MKRN2: variants seen among roughly 807,000 people sequenced by gnomAD.
MKRN2 encodes the protein makorin ring finger protein 2, also known as E3 ubiquitin-protein ligase makorin-2.
A neutral mutation model predicts 45.4 loss-of-function variants in MKRN2; 32 were observed. The observed-to-expected ratio is 0.70, with a 90% CI of 0.53 to 0.95. The LOEUF (loss-of-function observed/expected upper bound fraction) is 0.95, where lower values mean the gene tolerates loss of function less well. Ranked by LOEUF, MKRN2 falls within the 40% of genes least tolerant of loss-of-function variation. The pLI, the probability that MKRN2 is intolerant of heterozygous loss-of-function variation, is 0.00. For missense variants in MKRN2, 526 were observed against 536.7 expected (o/e 0.98, Z 0.20); for synonymous variants, 206 against 192.4 (o/e 1.07, Z -0.59).
At chr3:12,558,396 G>C (rs1200660650) in intron 1 of MKRN2, among the ~76,000 whole-genome samples, 1 of 152,168 alleles carries the variant, frequency 6.6e-6, no homozygotes, top group Non-Finnish European at 1.5e-5. Context: ...CCTGCTGGAG[G>C]AAGTATTCCT....
intron 1 of MKRN2, among the ~76,000 whole-genome samples, chr3:12,562,347 C>T (rs946332232): frequency 6.6e-6 from 1 of 152,170 alleles, no homozygotes; most frequent in South Asian, 2.1e-4. Flanking sequence ...AGATGCCAGG[C>T]AAGGGGCAGC....
Position 12,572,252 on chromosome 3 carries a change from C to T in MKRN2, c.521C>T (p.Ala174Val), listed in dbSNP as rs2058104351. The change falls in exon 4 of 8, where the codon GCA (alanine) becomes GTA (valine). Residue 174 changes from alanine (A) to valine (V), a missense_variant. Physicochemically the swap from Ala to Val is moderately conservative, Grantham distance 64 (BLOSUM62 0). Coordinates refer to ENST00000170447, the MANE Select transcript of MKRN2 (RefSeq NM_014160.5). ...AACGAGCAGCAGCTGTGCCCCTACG[C>T]AGCTGCTGGGGAGTGCCGGTTTGGG... is the stretch of plus-strand genomic sequence containing the variant. Reference protein sequence around the residue: ...YSNEQQLCPYAAAGECRFGDA... With the variant: ...YSNEQQLCPYVAAGECRFGDA... The T allele has an allele frequency of 2.5e-6, 4 of 1,614,118 alleles. No individual in the cohort carries two copies. The highest frequency in any genetic ancestry group is 1.3e-5 in the African/African-American group (1 of 75,030).
chr3:12,581,998 G>A (rs1264354374), intron 7 of MKRN2, 46 bp downstream of exon 7: 8 of 1,609,766 alleles, frequency 5.0e-6, no homozygotes, highest in Middle Eastern at 3.3e-4. Flanking sequence ...AGCAGCTGTG[G>A]GCATTTCCAG....
intron 3 of MKRN2, 53 bp from the exon 4 acceptor site, chr3:12,572,016 A>G: frequency 6.6e-7 from 1 of 1,507,434 alleles, no homozygotes; most frequent in Non-Finnish European, 8.9e-7. Context: ...CTAACGGCAT[A>G]CCAGAAAAAT....
At chr3:12,558,786 G>A (rs2058007655) in intron 1 of MKRN2, among the ~76,000 whole-genome samples, 1 of 152,158 alleles carries the variant, frequency 6.6e-6, no homozygotes, top group East Asian at 1.9e-4. Flanking sequence ...AATGAAGATT[G>A]GGTTGGAATG....
At chr3:12,577,844 T>G (rs1198160973) in intron 6 of MKRN2, among the ~76,000 whole-genome samples, 1 of 152,030 alleles carries the variant, frequency 6.6e-6, no homozygotes, top group African/African-American at 2.4e-5. Flanking sequence ...CCTGGCCAAT[T>G]TTTTGTATTT....
intron 1 of MKRN2, among the ~76,000 whole-genome samples, chr3:12,561,397 G>C (rs185524465): frequency 9.8e-5 from 15 of 152,318 alleles, no homozygotes; most frequent in Non-Finnish European, 2.1e-4. Flanking sequence ...CTTCTTGTCT[G>C]CCTTGTTAAC....
At chr3:12,578,857 GATTT>G (rs1389363290) in intron 6 of MKRN2, among the ~76,000 whole-genome samples, 3 of 109,152 alleles carry the variant, frequency 2.7e-5, no homozygotes, top group African/African-American at 6.6e-5. Context: ...ACTAAAGCTT[GATTT>G]TTTTTTTTTT....
At chr3:12,572,979 A>G (rs1199824266) in intron 4 of MKRN2, among the ~76,000 whole-genome samples, 1 of 152,258 alleles carries the variant, frequency 6.6e-6, no homozygotes, top group Non-Finnish European at 1.5e-5. Context: ...GATCTAGCTC[A>G]GGACCATGGT....
At chr3:12,571,871 A>G (rs927418059) in intron 3 of MKRN2, among the ~76,000 whole-genome samples, 198 bp from the exon 4 acceptor site, 1 of 151,318 alleles carries the variant, frequency 6.6e-6, no homozygotes, top group Admixed American at 6.6e-5. Flanking sequence ...TTGTTTTTTT[A>G]AGTAATTATA....
rs761905778 is a variant in MKRN2, at chr3:12,574,976, G to A, written c.827G>A (p.Cys276Tyr). ...TTGTCCTGCATCCGGCAGTGGCGGT[G>A]TGCCAAACAGTTTGAAAACCCAATC... ...YCLSCIRQWRCAKQFENPIIK... is the reference protein window; with the variant it reads ...YCLSCIRQWRYAKQFENPIIK... Residue 276 changes from cysteine (C) to tyrosine (Y), a missense_variant, in exon 5 of 8, where the codon TGT becomes TAT. Cys to Tyr is a radical substitution (Grantham distance 194, BLOSUM62 -2). Coordinates refer to ENST00000170447, the MANE Select transcript of MKRN2 (RefSeq NM_014160.5). The A allele has an allele frequency of 7.4e-6, 12 of 1,614,250 alleles. No individual in the cohort carries two copies. The South Asian group carries it at 1.3e-4, about 18-fold the overall frequency.
chr3:12,557,889 T>A (rs1039187830), intron 1 of MKRN2, among the ~76,000 whole-genome samples: 7 of 152,216 alleles, frequency 4.6e-5, no homozygotes, highest in Non-Finnish European at 1.0e-4. Flanking sequence ...AATGGATGGT[T>A]TATTGTAGAA....
intron 1 of MKRN2, among the ~76,000 whole-genome samples, chr3:12,565,673 G>A (rs772064338): frequency 3.3e-5 from 5 of 151,702 alleles, no homozygotes; most frequent in Non-Finnish European, 5.9e-5. Flanking sequence ...GTAGCTGGGA[G>A]CACAGGTGCA....
At chr3:12,557,243 G>C in intron 1 of MKRN2, 67 bp downstream of exon 1, 3 of 1,510,328 alleles carry the variant, frequency 2.0e-6, no homozygotes, top group South Asian at 2.5e-5. Flanking sequence ...GTGCGCGCCA[G>C]TGCTGTGGTC....
chr3:12,573,511 G>T (rs1337172800), intron 4 of MKRN2, among the ~76,000 whole-genome samples: 2 of 143,454 alleles, frequency 1.4e-5, no homozygotes, highest in Admixed American at 7.2e-5. Flanking sequence ...TACAGCCTGG[G>T]CAATAAGAGT....
At chr3:12,576,497 G>C (rs1542848) in intron 5 of MKRN2, 134 bp from the exon 6 acceptor site, 1 of 581,196 alleles carries the variant, frequency 1.7e-6, no homozygotes, top group Non-Finnish European at 3.1e-6. Flanking sequence ...TTGGATGATT[G>C]TGATTTCATC....
In MKRN2 at chr3:12,582,275, T is replaced by C; in HGVS notation, c.*22T>C. On this transcript the variant is annotated 3_prime_UTR_variant, in exon 8 of 8. Coordinates refer to ENST00000170447, the MANE Select transcript of MKRN2 (RefSeq NM_014160.5). Reference sequence around the variant, plus strand: ...CTAAAGAGTAGATGGTTGCCCTGCATCTTGGGCTCCATCGGCCGAAACTTT... The same window carrying C: ...CTAAAGAGTAGATGGTTGCCCTGCACCTTGGGCTCCATCGGCCGAAACTTT... 6.2e-7 allele frequency: 1 copy of C among 1,610,574 alleles called. No individual in the cohort carries two copies. Among genetic ancestry groups the C allele is most frequent in the South Asian group, 1.1e-5 (1 of 91,052 alleles).
chr3:12,576,583 A>C, intron 5 of MKRN2, 48 bp from the exon 6 acceptor site: 1 of 1,377,160 alleles, frequency 7.3e-7, no homozygotes, highest in Non-Finnish European at 1.0e-6. Context: ...GAGTGTGCCC[A>C]GGCTTCGTAA....
chr3:12,562,846 A>G (rs1222824304), intron 1 of MKRN2, among the ~76,000 whole-genome samples: 1 of 151,988 alleles, frequency 6.6e-6, no homozygotes, highest in Non-Finnish European at 1.5e-5. Context: ...AGATGGGACC[A>G]TCTAGTTGCA....
Sources: allele counts gnomAD v4.1 joint callset (sites outside exome capture counted in the v4.1 genomes callset), GRCh38; gene constraint gnomAD v4.1.1; transcripts MANE v1.5; gene names NCBI Gene and HGNC (gene_info 2026-07-23, HGNC 2026-07-21).